The following RBBP4 variants were observed in gnomAD, a reference collection of about 807,000 sequenced individuals.
The protein encoded by RBBP4 is histone-binding protein RBBP4.
RBBP4 carries 3 observed loss-of-function variants against 57.2 expected under a neutral mutation model. The observed-to-expected ratio is 0.05, with a 90% CI of 0.02 to 0.14. RBBP4 has a LOEUF of 0.14. RBBP4 is among the 10% of genes least tolerant of loss of function. The pLI is 1.00. For missense variants in RBBP4, 107 were observed against 520.6 expected (o/e 0.21, Z 7.73); for synonymous variants, 151 against 171.5 (o/e 0.88, Z 0.93).
rs1185734131 is a variant in RBBP4, at chr1:32,680,468, C to G, written c.*763C>G. 3.5e-6 allele frequency: 5 copies of G among 1,444,492 alleles called. No homozygotes were observed. Among genetic ancestry groups the G allele is most frequent in the Non-Finnish European group, 4.6e-6 (5 of 1,084,752 alleles). The allele number at this position is 1,444,492 out of a possible 1,614,324, so 89.5% of individuals were successfully genotyped here. A position where few individuals can be genotyped will look rare whatever the true frequency, so the allele number is the denominator to read the frequency against. On this transcript the variant is annotated 3_prime_UTR_variant, in exon 12 of 12. Transcript: ENST00000373493. ...CAAGTTGAGAAGAGTGAATCAATAA[C>G]TTGTATTTGTTTTAAAAATTAAATT...
At chr1:32,659,018 A>T (rs951516757) in intron 3 of RBBP4, among the ~76,000 whole-genome samples, 28 of 147,322 alleles carry the variant, frequency 1.9e-4, no homozygotes, top group Non-Finnish European at 3.1e-4. Flanking sequence ...GTTATATATA[A>T]TTTTAGATAA....
intron 2 of RBBP4, among the ~76,000 whole-genome samples, chr1:32,652,991 G>A (rs908576545): frequency 2.6e-5 from 4 of 152,188 alleles, no homozygotes; most frequent in Non-Finnish European, 1.5e-5. Flanking sequence ...AGGGTACCTA[G>A]AAAACACCTG....
At position 32,651,289 on chromosome 1, in the gene RBBP4, C is replaced by G; in HGVS notation, c.-18C>G. On this transcript the variant is annotated 5_prime_UTR_variant, in exon 1 of 12. Transcript: ENST00000373493. ...CGCAACGCTCGACCCCAGGATTCCC[C>G]CGGCTCGCCTGCCCGCCATGGCCGA... The G allele has an allele frequency of 1.3e-6, 2 of 1,484,916 alleles. No homozygotes were observed. The highest frequency in any genetic ancestry group is 1.8e-6 in the Non-Finnish European group (2 of 1,118,670). The allele number at this position is 1,484,916 out of a possible 1,614,324, so 92.0% of individuals were successfully genotyped here. A position where few individuals can be genotyped will look rare whatever the true frequency, so the allele number is the denominator to read the frequency against.
chr1:32,679,877 G>T lies in RBBP4; in HGVS notation c.*172G>T. ...GTGTTTTCTAAATATTAATAGGGGG[G>T]CTTGATTCAACAAAGCCACAGACTT... On this transcript the variant is annotated 3_prime_UTR_variant, in exon 12 of 12. Transcript: ENST00000373493. The T allele has an allele frequency of 1.5e-6, 2 of 1,295,862 alleles. No homozygotes were observed. Among genetic ancestry groups the T allele is most frequent in the Non-Finnish European group, 1.9e-6 (2 of 1,026,504 alleles). 80.3% of individuals were successfully genotyped at this position (1,295,862 alleles called of 1,614,324 possible).
chr1:32,665,097 A>G (rs1260901235), intron 3 of RBBP4, among the ~76,000 whole-genome samples: 1 of 152,154 alleles, frequency 6.6e-6, no homozygotes, highest in Non-Finnish European at 1.5e-5. Flanking sequence ...CTTATGTGTG[A>G]CGCACAATAA....
Position 32,658,642 on chromosome 1 carries a change from G to A in RBBP4, c.310+1070G>A, listed in dbSNP as rs568059384. Among the ~76,000 whole-genome samples the A allele has an allele frequency of 1.2e-4, 18 of 151,584 alleles. No homozygotes were observed. The East Asian group carries it at 3.5e-3, about 29-fold the overall frequency. On this transcript the variant is annotated intron_variant, in intron 3 of 11. Coordinates refer to ENST00000373493, the MANE Select transcript of RBBP4 (RefSeq NM_005610.3). ...GTTCACTGCAACCTCCACCTCCCAG[G>A]TTCAAGCGATTCTCCTGCCTCAGCC...
At chr1:32,673,275 G>T (rs1648950551) in intron 11 of RBBP4, among the ~76,000 whole-genome samples, 1 of 151,922 alleles carries the variant, frequency 6.6e-6, no homozygotes, top group African/African-American at 2.4e-5. Context: ...ATCTATCTGC[G>T]GTGTTTCTCC....
intron 2 of RBBP4, among the ~76,000 whole-genome samples, chr1:32,656,563 G>T (rs1360632535): frequency 6.6e-6 from 1 of 152,132 alleles, no homozygotes; most frequent in Non-Finnish European, 1.5e-5. Context: ...TGTTGGTCAG[G>T]CTGGTCTCGA....
intron 3 of RBBP4, chr1:32,662,103 C>T: frequency 5.2e-6 from 1 of 193,650 alleles, no homozygotes; most frequent in Non-Finnish European, 1.1e-5. Flanking sequence ...CCAGGATGAT[C>T]TCCATCTCCT....
intron 3 of RBBP4, among the ~76,000 whole-genome samples, chr1:32,658,895 A>G (rs993343505): frequency 1.3e-5 from 2 of 149,968 alleles, no homozygotes; most frequent in Non-Finnish European, 2.9e-5. Flanking sequence ...TTGTGTGTGT[A>G]AAATTATATG....
chr1:32,674,332 C>G (rs1649004475), intron 11 of RBBP4, among the ~76,000 whole-genome samples: 1 of 152,030 alleles, frequency 6.6e-6, no homozygotes, highest in South Asian at 2.1e-4. Flanking sequence ...TTCCCGGGCT[C>G]AAGACATCCT....
chr1:32,666,932 T>C (rs1648678501), intron 3 of RBBP4, among the ~76,000 whole-genome samples: 1 of 152,162 alleles, frequency 6.6e-6, no homozygotes, highest in Non-Finnish European at 1.5e-5. Context: ...TGAAGGGACA[T>C]TGTGAGAAGT....
In RBBP4 at chr1:32,672,534, T is replaced by G; in HGVS notation, c.1043+8T>G. The G allele has an allele frequency of 6.2e-7, 1 of 1,602,682 alleles. No homozygotes were observed. The highest frequency in any genetic ancestry group is 8.5e-7 in the Non-Finnish European group (1 of 1,169,710). On this transcript the variant is annotated splice_region_variant and intron_variant, in intron 9 of 11. Transcript: ENST00000373493. Reference sequence around the variant, plus strand: ...GAATGTCTGGGATTTAAGGTAATTCTTGTATTCATTCCTCTCTCTACATAA... The same window carrying G: ...GAATGTCTGGGATTTAAGGTAATTCGTGTATTCATTCCTCTCTCTACATAA...
intron 3 of RBBP4, among the ~76,000 whole-genome samples, chr1:32,664,448 T>TTTTG (rs1040617298): frequency 1.3e-5 from 2 of 152,022 alleles, no homozygotes; most frequent in Admixed American, 6.6e-5. Context: ...ATGCTTCTTT[T>TTTTG]TTTGTTTGTT....
rs1350307941 is a variant in RBBP4, at chr1:32,682,040, G to A, written c.*2335G>A. On this transcript the variant is annotated 3_prime_UTR_variant, in exon 12 of 12. Transcript: ENST00000373493. ...AATGAATGGTGATGGTGATGGGAGG[G>A]ATAGTTAAACGTTTTCTCTGCTAGG... 3.4e-6 allele frequency: 2 copies of A among 589,822 alleles called. No individual in the cohort carries two copies. Among genetic ancestry groups the A allele is most frequent in the Non-Finnish European group, 6.0e-6 (2 of 331,204 alleles). 36.5% of individuals were successfully genotyped at this position (589,822 alleles called of 1,614,324 possible). A position where few individuals can be genotyped will look rare whatever the true frequency, so the allele number is the denominator to read the frequency against.
chr1:32,676,741 A>G (rs533480395), intron 11 of RBBP4, among the ~76,000 whole-genome samples: 49 of 152,212 alleles, frequency 3.2e-4, no homozygotes, highest in African/African-American at 1.2e-3. Context: ...AAAACAGAAA[A>G]TTCACCTCAC....
chr1:32,676,015 G>A (rs901802568), intron 11 of RBBP4, among the ~76,000 whole-genome samples: 6 of 150,702 alleles, frequency 4.0e-5, no homozygotes, highest in Non-Finnish European at 7.4e-5. Context: ...TGAATCCAGC[G>A]GGTAGAGGCT....
chr1:32,651,809 A>G, intron 1 of RBBP4, 105 bp from the exon 2 acceptor site: 1 of 1,298,330 alleles, frequency 7.7e-7, no homozygotes. Flanking sequence ...TAGACAAATC[A>G]CCTCCATTTC....
At chr1:32,667,386 C>T (rs1320183520) in intron 3 of RBBP4, among the ~76,000 whole-genome samples, 1 of 152,250 alleles carries the variant, frequency 6.6e-6, no homozygotes, top group African/African-American at 2.4e-5. Context: ...GGAAGGGCCC[C>T]TGTCCCATGA....
Sources: gnomAD v4.1 joint callset for allele counts (sites outside exome capture counted in the v4.1 genomes callset) on GRCh38, gnomAD v4.1.1 for gene constraint, MANE v1.5 for transcripts, NCBI Gene and HGNC (gene_info 2026-07-23, HGNC 2026-07-21) for gene names.